Variants in CTNNA3 observed in about 807,000 individuals in gnomAD.
The protein encoded by CTNNA3 is catenin alpha 3, also known as catenin alpha-3.
CTNNA3 carries 76 observed loss-of-function variants against 95.7 expected under a neutral mutation model. The ratio of observed to expected loss-of-function variants is 0.79; its 90% CI spans 0.66 to 0.96. The LOEUF (loss-of-function observed/expected upper bound fraction) is 0.96, where lower values mean the gene tolerates loss of function less well. Among genes scored for constraint, CTNNA3 ranks in the 40% least tolerant of loss-of-function variants. The pLI is 0.00. For synonymous variants in CTNNA3, 431 were observed against 374.4 expected (o/e 1.15, Z -1.74); for missense variants, 1,191 against 1,089.8 (o/e 1.09, Z -1.31).
intron 12 of CTNNA3, among the ~76,000 whole-genome samples, chr10:66,360,635 C>CTTTCTTTCTTCCTTCCTTCCTTCCT (rs1564895965): frequency 1.1e-4 from 6 of 55,322 alleles, no homozygotes; most frequent in Non-Finnish European, 1.9e-4. Context: ...TTCTTTCTTT[C>CTTTCTTTCTTCCTTCCTTCCTTCCT]TTTCTTTCTT....
rs186714476 is a variant in CTNNA3, at chr10:66,444,771, G to A, written c.1532-65419C>T. On this transcript the variant is annotated intron_variant, in intron 11 of 17. Transcript: ENST00000433211. Reference sequence around the variant, plus strand: ...CTAGGAAGAAACTGCATCAACTAACGAGCAAAATAACCAGCTAACATCATA... The same window carrying A: ...CTAGGAAGAAACTGCATCAACTAACAAGCAAAATAACCAGCTAACATCATA... 5.0e-3 allele frequency among the ~76,000 whole-genome samples: 760 copies of A among 152,246 alleles called. 5 individuals are homozygous for A. The highest frequency in any genetic ancestry group is 0.017 in the African/African-American group (718 of 41,540).
At chr10:66,661,988 A>T (rs1026981458) in intron 9 of CTNNA3, among the ~76,000 whole-genome samples, 29 of 152,328 alleles carry the variant, frequency 1.9e-4, no homozygotes, top group African/African-American at 6.3e-4. Context: ...AAACTGGTGC[A>T]CTGCTCACCA....
At chr10:66,412,044 A>G (rs2093109521) in intron 11 of CTNNA3, among the ~76,000 whole-genome samples, 1 of 152,166 alleles carries the variant, frequency 6.6e-6, no homozygotes, top group Admixed American at 6.5e-5. Flanking sequence ...GAAGTTTCCT[A>G]CGGCAAAATT....
At chr10:67,579,011 A>ATG (rs1346268294) in intron 3 of CTNNA3, among the ~76,000 whole-genome samples, 1 of 71,538 alleles carries the variant, frequency 1.4e-5, no homozygotes, top group Non-Finnish European at 2.2e-5. Context: ...ATATATATAT[A>ATG]TATATATATA....
chr10:67,333,215 A>C (rs1422684732), intron 5 of CTNNA3, among the ~76,000 whole-genome samples: 1 of 152,170 alleles, frequency 6.6e-6, no homozygotes, highest in Non-Finnish European at 1.5e-5. Context: ...CCTTCACTGC[A>C]CTAGGTCATC....
chr10:66,054,045 C>T (rs1289277329), intron 15 of CTNNA3, among the ~76,000 whole-genome samples: 1 of 152,118 alleles, frequency 6.6e-6, no homozygotes, highest in Non-Finnish European at 1.5e-5. Flanking sequence ...CATGTTGTTG[C>T]AAATGACAGG....
At chr10:67,738,432 C>T (rs1028109562) in intron 1 of CTNNA3, among the ~76,000 whole-genome samples, 6 of 152,154 alleles carry the variant, frequency 3.9e-5, no homozygotes, top group Non-Finnish European at 7.3e-5. Context: ...ACCAAAACCC[C>T]ATCTGTACGT....
chr10:67,138,031 T>A (rs1860380282), intron 7 of CTNNA3, among the ~76,000 whole-genome samples: 1 of 152,108 alleles, frequency 6.6e-6, no homozygotes, highest in South Asian at 2.1e-4. Flanking sequence ...CATGGACATT[T>A]GCTTACAAAA....
At chr10:66,294,914 G>GAGAA (rs1554924832) in intron 12 of CTNNA3, among the ~76,000 whole-genome samples, 134 of 150,610 alleles carry the variant, frequency 8.9e-4, no homozygotes, top group South Asian at 6.7e-3. Context: ...GAGAGAGAGA[G>GAGAA]GGATTTGGTA....
Position 67,302,698 on chromosome 10 carries a change from G to A in CTNNA3, c.580-82828C>T, listed in dbSNP as rs114088136. Among the ~76,000 whole-genome samples the A allele has an allele frequency of 5.1e-3, 774 of 152,152 alleles. 8 individuals carry two copies. Among genetic ancestry groups the A allele is most frequent in the African/African-American group, 0.018 (735 of 41,498 alleles). ...AATCTGAGTAATTATGCCACCTCCT[G>A]CCATAAACTGCCCATGTCCCATTTT... On this transcript the variant is annotated intron_variant, in intron 5 of 17. Transcript: ENST00000433211.
intron 15 of CTNNA3, among the ~76,000 whole-genome samples, chr10:66,013,160 C>T (rs1030070370): frequency 2.0e-5 from 3 of 152,198 alleles, no homozygotes; most frequent in African/African-American, 7.2e-5. Flanking sequence ...CTTGGGTTCC[C>T]AAAGTGCTAG....
chr10:66,592,358 C>T (rs192845934), intron 10 of CTNNA3, among the ~76,000 whole-genome samples: 1 of 152,234 alleles, frequency 6.6e-6, no homozygotes, highest in East Asian at 1.9e-4. Flanking sequence ...TTGAAAAGGA[C>T]ATAAGCAAGT....
At chr10:67,029,263 A>C (rs1302384763) in intron 7 of CTNNA3, among the ~76,000 whole-genome samples, 1 of 152,242 alleles carries the variant, frequency 6.6e-6, no homozygotes. Flanking sequence ...TTTACAGTTG[A>C]AATAAGAAGT....
intron 6 of CTNNA3, among the ~76,000 whole-genome samples, chr10:67,198,716 TC>T (rs1240440595): frequency 1.3e-5 from 2 of 152,212 alleles, no homozygotes; most frequent in Admixed American, 1.3e-4. Context: ...TAATATCCTT[TC>T]CAAATTGAGA....
chr10:66,778,338 C>T (rs1351159921), intron 7 of CTNNA3, among the ~76,000 whole-genome samples: 1 of 152,242 alleles, frequency 6.6e-6, no homozygotes, highest in Admixed American at 6.5e-5. Flanking sequence ...TAAAGGCCCT[C>T]ATTCCTTCTT....
At chr10:66,332,841 T>C (rs926274191) in intron 12 of CTNNA3, among the ~76,000 whole-genome samples, 10 of 152,144 alleles carry the variant, frequency 6.6e-5, no homozygotes, top group African/African-American at 2.2e-4. Flanking sequence ...AATTCGGCTG[T>C]GAATCCATCT....
chr10:67,458,187 G>A (rs879923295), intron 5 of CTNNA3, among the ~76,000 whole-genome samples: 1 of 151,936 alleles, frequency 6.6e-6, no homozygotes, highest in African/African-American at 2.4e-5. Flanking sequence ...TAAATCTCTT[G>A]CATATCTGAT....
intron 12 of CTNNA3, among the ~76,000 whole-genome samples, chr10:66,304,034 T>C (rs2132236536): frequency 6.6e-6 from 1 of 152,044 alleles, no homozygotes; most frequent in South Asian, 2.1e-4. Context: ...ATGAAATATA[T>C]ACAACCCATA....
intron 7 of CTNNA3, among the ~76,000 whole-genome samples, chr10:66,935,633 A>AT (rs1554882365): frequency 2.6e-4 from 39 of 151,716 alleles, no homozygotes; most frequent in African/African-American, 5.1e-4. Context: ...TGCCTAAAAA[A>AT]ATATATATAT....
Sources: allele counts gnomAD v4.1 joint callset (sites outside exome capture counted in the v4.1 genomes callset), GRCh38; gene constraint gnomAD v4.1.1; transcripts MANE v1.5; gene names NCBI Gene and HGNC (gene_info 2026-07-23, HGNC 2026-07-21).